GLRA2: variants seen among roughly 807,000 people sequenced by gnomAD.
GLRA2 encodes the protein glycine receptor alpha 2, also known as glycine receptor subunit alpha-2.
GLRA2 carries 11 observed loss-of-function variants against 31.6 expected under a neutral mutation model. That is an observed-to-expected ratio of 0.35 (90% CI 0.22 to 0.58). The LOEUF is 0.58. GLRA2 is among the 20% of genes least tolerant of loss of function. The pLI is 0.84. For missense variants in GLRA2, 212 were observed against 351.8 expected (o/e 0.60, Z 3.18); for synonymous variants, 132 against 134.0 (o/e 0.99, Z 0.10).
intron 8 of GLRA2, among the ~76,000 whole-genome samples, chrX:14,693,643 T>C (rs2091397803): frequency 8.9e-6 from 1 of 112,144 alleles, no homozygotes. Context: ...AGTAAACATA[T>C]ACTTTTCAAG....
At chrX:14,566,963 C>G (rs1161078949) in intron 2 of GLRA2, among the ~76,000 whole-genome samples, 6 of 110,971 alleles carry the variant, frequency 5.4e-5, no homozygotes, top group Non-Finnish European at 1.1e-4. Flanking sequence ...TGTGTACCCT[C>G]CAGGGTACAT....
At chrX:14,657,424 T>C (rs1000540069) in intron 7 of GLRA2, among the ~76,000 whole-genome samples, 3 of 112,386 alleles carry the variant, frequency 2.7e-5, no homozygotes, top group African/African-American at 9.7e-5. Flanking sequence ...TCTTGTGTGA[T>C]GTAAAGGTCC....
intron 7 of GLRA2, among the ~76,000 whole-genome samples, chrX:14,619,775 ATC>A (rs1412588494): frequency 9.0e-6 from 1 of 110,859 alleles, no homozygotes; most frequent in Non-Finnish European, 1.9e-5. Flanking sequence ...ATTGTATATT[ATC>A]TGTTTCCCTT....
At chrX:14,603,245 T>C (rs939206145) in intron 4 of GLRA2, among the ~76,000 whole-genome samples, 1 of 111,512 alleles carries the variant, frequency 9.0e-6, no homozygotes, top group African/African-American at 3.3e-5. Context: ...TGTCTATTCA[T>C]GTCCATAGCC....
intron 7 of GLRA2, among the ~76,000 whole-genome samples, chrX:14,650,490 C>T (rs867307973): frequency 1.1e-4 from 12 of 110,940 alleles, no homozygotes; most frequent in African/African-American, 2.6e-4. Context: ...GTACCTTTCA[C>T]TTTCGGGAAG....
At chrX:14,457,058 G>A in the GLRA2 span, among the ~76,000 whole-genome samples, 1 of 111,863 alleles carries the variant, frequency 8.9e-6, no homozygotes, top group Non-Finnish European at 1.9e-5. Context: ...CATCCTAACT[G>A]GGATGAGATG....
intron 3 of GLRA2, among the ~76,000 whole-genome samples, chrX:14,576,164 G>A (rs3027348): frequency 0.27 from 29,846 of 109,089 alleles, 3,067 homozygotes; most frequent in Middle Eastern, 0.34. Context: ...TGTCCTTCAT[G>A]TTAGGAAGAA....
At chrX:14,608,925 C>G in intron 6 of GLRA2, 66 bp from the exon 7 acceptor site, 1 of 474,884 alleles carries the variant, frequency 2.1e-6, no homozygotes, top group Non-Finnish European at 3.6e-6. Context: ...TTTTAAACAA[C>G]GTGGGATAAT....
intron 8 of GLRA2, among the ~76,000 whole-genome samples, chrX:14,695,332 G>A (rs1358321442): frequency 9.0e-6 from 1 of 111,637 alleles, no homozygotes; most frequent in Non-Finnish European, 1.9e-5. Flanking sequence ...TGTGCTCATG[G>A]GGGGATATAT....
intron 2 of GLRA2, among the ~76,000 whole-genome samples, chrX:14,548,783 A>G (rs903066012): frequency 8.9e-6 from 1 of 111,900 alleles, no homozygotes. Flanking sequence ...AATATTGGAT[A>G]TACCTGAATT....
At chrX:14,689,154 C>T (rs2091314470) in intron 7 of GLRA2, among the ~76,000 whole-genome samples, 1 of 111,674 alleles carries the variant, frequency 9.0e-6, no homozygotes, top group African/African-American at 3.3e-5. Context: ...CTTTTATGTC[C>T]ACTGTGCTCC....
intron 8 of GLRA2, among the ~76,000 whole-genome samples, chrX:14,701,601 A>G (rs1031730421): frequency 1.8e-5 from 2 of 111,687 alleles, no homozygotes; most frequent in Non-Finnish European, 3.8e-5. Context: ...GGGATACTGT[A>G]AAGAAGAGAT....
At chrX:14,626,841 T>A (rs921773626) in intron 7 of GLRA2, among the ~76,000 whole-genome samples, 7 of 112,004 alleles carry the variant, frequency 6.2e-5, no homozygotes, top group African/African-American at 1.3e-4. Context: ...ATCTCTCAAA[T>A]CTAATGTTGG....
chrX:14,504,836 G>A, the GLRA2 span, among the ~76,000 whole-genome samples: 3 of 111,884 alleles, frequency 2.7e-5, no homozygotes, highest in African/African-American at 6.5e-5. Context: ...TATTGTTGAT[G>A]TCCAGCAGCC....
In GLRA2 at chrX:14,712,840, C is replaced by T. The variant is rs1457312314; in HGVS notation, c.1081-17367C>T. ...GGGAGTCCACAGAAAGGTCTAGCCA[C>T]CGTGTCTAACAAAGCAGCCTCTTCT... On this transcript the variant is annotated intron_variant, in intron 8 of 8. Coordinates refer to ENST00000218075, the MANE Select transcript of GLRA2 (RefSeq NM_002063.4). Among the ~76,000 whole-genome samples the T allele has an allele frequency of 2.7e-5, 3 of 111,564 alleles. No individual in the cohort carries two copies. In the Admixed American group the frequency reaches 2.9e-4, roughly 11 times the overall value.
chrX:14,585,357 A>G (rs1177244844), intron 4 of GLRA2, among the ~76,000 whole-genome samples: 2 of 111,514 alleles, frequency 1.8e-5, no homozygotes, highest in Non-Finnish European at 3.8e-5. Context: ...AAATTAAGTA[A>G]TAGGAATAAA....
chrX:14,510,883 C>T, the GLRA2 span, among the ~76,000 whole-genome samples: 1 of 111,099 alleles, frequency 9.0e-6, no homozygotes, highest in Non-Finnish European at 1.9e-5. Context: ...CTGAGAATTA[C>T]ATTCATCCCT....
At chrX:14,605,069 A>G (rs1279418020) in intron 5 of GLRA2, among the ~76,000 whole-genome samples, 1 of 111,556 alleles carries the variant, frequency 9.0e-6, no homozygotes, top group Non-Finnish European at 1.9e-5. Flanking sequence ...GTGTCACCAT[A>G]AGTTGCTGAT....
chrX:14,684,599 C>T (rs1346058197), intron 7 of GLRA2, among the ~76,000 whole-genome samples: 1 of 111,531 alleles, frequency 9.0e-6, no homozygotes, highest in Non-Finnish European at 1.9e-5. Flanking sequence ...GGAGTTCACT[C>T]ATGATTTGGC....
Sources: allele counts gnomAD v4.1 joint callset (sites outside exome capture counted in the v4.1 genomes callset), GRCh38; gene constraint gnomAD v4.1.1; transcripts MANE v1.5; gene names NCBI Gene and HGNC (gene_info 2026-07-23, HGNC 2026-07-21).